The following CAMKMT variants were observed in gnomAD, a reference collection of about 807,000 sequenced individuals.
CAMKMT encodes CaM KMT.
CAMKMT carries 53 observed loss-of-function variants against 48.0 expected under a neutral mutation model. The ratio of observed to expected loss-of-function variants is 1.10; its 90% CI spans 0.89 to 1.39. The LOEUF (loss-of-function observed/expected upper bound fraction) is 1.39, where lower values mean the gene tolerates loss of function less well. CAMKMT is among the 40% of genes most tolerant of loss of function. The pLI is 0.00. For synonymous variants in CAMKMT, 165 were observed against 152.3 expected, an observed-to-expected ratio of 1.08 and a Z score of -0.61; for missense variants, 428 against 402.7, an observed-to-expected ratio of 1.06 and a Z score of -0.54.
intron 1 of CAMKMT, among the ~76,000 whole-genome samples, chr2:44,362,394 G>A (rs1036703348): frequency 1.3e-5 from 2 of 152,158 alleles, no homozygotes; most frequent in Non-Finnish European, 2.9e-5. Flanking sequence ...CGAAGTAGAA[G>A]AACCCCTTCT....
At position 44,492,607 on chromosome 2, in the gene CAMKMT, T is replaced by C. The variant is rs919989549; in HGVS notation, c.376+102302T>C. 2.6e-5 allele frequency among the ~76,000 whole-genome samples: 4 copies of C among 152,198 alleles called. No homozygotes were observed. The South Asian group carries it at 6.2e-4, about 24-fold the overall frequency. ...ATTGTGATGACATCTTTGACGAATC[T>C]TTCTTGGACCCAATATCACCGATGA... On this transcript the variant is annotated intron_variant, in intron 3 of 10. Coordinates refer to ENST00000378494, the MANE Select transcript of CAMKMT (RefSeq NM_024766.5).
chr2:44,377,845 A>G (rs552343387), intron 2 of CAMKMT, among the ~76,000 whole-genome samples: 1 of 152,144 alleles, frequency 6.6e-6, no homozygotes, highest in African/African-American at 2.4e-5. Flanking sequence ...TTCCATTTCT[A>G]GGGAAAGAAA....
rs930872783 is a variant in CAMKMT, at chr2:44,519,664, A to G, written c.376+129359A>G. The stretch of plus-strand genomic sequence containing the variant: ...ATGTTTAAAAACGAAACAAAACAAA[A>G]AAGTGTGACTTAGGACACAGGAGAT... On this transcript the variant is annotated intron_variant, in intron 3 of 10. Coordinates refer to ENST00000378494, the MANE Select transcript of CAMKMT (RefSeq NM_024766.5). Among the ~76,000 whole-genome samples the G allele has an allele frequency of 2.6e-5, 4 of 152,242 alleles. No individual in the cohort carries two copies. In the East Asian group the frequency reaches 7.7e-4, roughly 29 times the overall value.
chr2:44,579,122 T>C (rs999465326), intron 3 of CAMKMT, among the ~76,000 whole-genome samples: 2 of 152,242 alleles, frequency 1.3e-5, no homozygotes, highest in Admixed American at 1.3e-4. Flanking sequence ...ATTGGCAGTG[T>C]GTTTTCTTAA....
intron 3 of CAMKMT, among the ~76,000 whole-genome samples, chr2:44,446,338 ATTAT>A (rs552143802): frequency 2.0e-5 from 3 of 151,656 alleles, no homozygotes; most frequent in South Asian, 2.1e-4. Flanking sequence ...TTTCCCTTAT[ATTAT>A]TTATTTATTT....
intron 3 of CAMKMT, among the ~76,000 whole-genome samples, chr2:44,480,608 A>C (rs911082229): frequency 2.6e-5 from 4 of 152,312 alleles, no homozygotes; most frequent in Admixed American, 2.0e-4. Context: ...AAATCTGAGA[A>C]TTCTATCTTT....
chr2:44,554,074 C>G (rs547515039), intron 3 of CAMKMT, among the ~76,000 whole-genome samples: 46 of 152,294 alleles, frequency 3.0e-4, no homozygotes, highest in African/African-American at 1.1e-3. Flanking sequence ...GAAATGTTTG[C>G]TTTATCCATT....
chr2:44,516,739 A>ATTTTT (rs749089273), intron 3 of CAMKMT, among the ~76,000 whole-genome samples: 13 of 133,102 alleles, frequency 9.8e-5, no homozygotes, highest in African/African-American at 3.5e-4. Context: ...GTTTCTTGAG[A>ATTTTT]TTTTTTTTTT....
At chr2:44,660,940 T>C (rs1674646853) in intron 3 of CAMKMT, among the ~76,000 whole-genome samples, 1 of 152,136 alleles carries the variant, frequency 6.6e-6, no homozygotes, top group Non-Finnish European at 1.5e-5. Flanking sequence ...ATCAATGTTA[T>C]GTTTTTGGGA....
At chr2:44,744,148 A>G (rs1035334014) in intron 8 of CAMKMT, among the ~76,000 whole-genome samples, 1 of 152,198 alleles carries the variant, frequency 6.6e-6, no homozygotes, top group Non-Finnish European at 1.5e-5. Context: ...AAATAAACAT[A>G]TCTGTGGAAT....
chr2:44,438,308 A>G (rs927506844), intron 3 of CAMKMT, among the ~76,000 whole-genome samples: 2 of 152,198 alleles, frequency 1.3e-5, no homozygotes, highest in Admixed American at 6.5e-5. Context: ...GTAAAACAAC[A>G]TTATTCATTA....
intron 3 of CAMKMT, among the ~76,000 whole-genome samples, chr2:44,437,744 G>A (rs1295122469): frequency 6.6e-6 from 1 of 150,702 alleles, no homozygotes; most frequent in African/African-American, 2.4e-5. Context: ...TACTCGGGAG[G>A]TTGAGGTAGG....
At chr2:44,674,671 G>A (rs1244189942) in intron 3 of CAMKMT, among the ~76,000 whole-genome samples, 1 of 152,140 alleles carries the variant, frequency 6.6e-6, no homozygotes, top group Admixed American at 6.5e-5. Context: ...TACCCTGCTG[G>A]GCTGCAGGCC....
intron 3 of CAMKMT, among the ~76,000 whole-genome samples, chr2:44,453,009 T>C (rs1667373308): frequency 1.3e-5 from 2 of 152,088 alleles, no homozygotes; most frequent in South Asian, 4.1e-4. Flanking sequence ...AAAAGATGTC[T>C]AATTGATTTA....
At chr2:44,442,527 G>A (rs1236137903) in intron 3 of CAMKMT, among the ~76,000 whole-genome samples, 3 of 152,074 alleles carry the variant, frequency 2.0e-5, no homozygotes, top group South Asian at 2.1e-4. Flanking sequence ...TTGCTACTAA[G>A]CCATATTGTA....
chr2:44,526,863 A>G (rs1022103725), intron 3 of CAMKMT, among the ~76,000 whole-genome samples: 3 of 152,124 alleles, frequency 2.0e-5, no homozygotes, highest in Admixed American at 6.5e-5. Flanking sequence ...TTTCTTTTTT[A>G]TAAGGACTTC....
At chr2:44,487,626 A>G (rs1352452599) in intron 3 of CAMKMT, among the ~76,000 whole-genome samples, 2 of 152,236 alleles carry the variant, frequency 1.3e-5, no homozygotes, top group Non-Finnish European at 2.9e-5. Context: ...GACAAATGAA[A>G]TTCTTCCTTT....
At chr2:44,703,352 A>G (rs941073922) in intron 3 of CAMKMT, among the ~76,000 whole-genome samples, 2 of 152,182 alleles carry the variant, frequency 1.3e-5, no homozygotes, top group African/African-American at 2.4e-5. Flanking sequence ...TGATTTATGG[A>G]TGACAATTTT....
chr2:44,758,467 T>C (rs1477194409), intron 9 of CAMKMT, among the ~76,000 whole-genome samples: 1 of 152,154 alleles, frequency 6.6e-6, no homozygotes, highest in Non-Finnish European at 1.5e-5. Context: ...GCAGGGAATA[T>C]TTGTTACCAC....
Sources: gnomAD v4.1 joint callset for allele counts (sites outside exome capture counted in the v4.1 genomes callset) on GRCh38, gnomAD v4.1.1 for gene constraint, MANE v1.5 for transcripts, NCBI Gene and HGNC (gene_info 2026-07-23, HGNC 2026-07-21) for gene names.